The following NRG1 variants were observed in gnomAD, a reference collection of about 807,000 sequenced individuals.
NRG1 encodes the protein pro-neuregulin-1, membrane-bound isoform.
A neutral mutation model predicts 63.8 loss-of-function variants in NRG1; 18 were observed. The ratio of observed to expected loss-of-function variants is 0.28; its 90% CI spans 0.19 to 0.42. NRG1 has a LOEUF of 0.42. Among genes scored for constraint, NRG1 ranks in the 10% least tolerant of loss-of-function variants. The probability of loss-of-function intolerance (pLI) is 1.00; values close to 1 mark genes in which losing one functional copy is unlikely to be tolerated. For synonymous variants in NRG1, 302 were observed against 301.3 expected (o/e 1.00, Z -0.02); for missense variants, 762 against 814.7 (o/e 0.94, Z 0.79).
At chr8:32,059,297 C>G (rs978916144) in intron 1 of NRG1, among the ~76,000 whole-genome samples, 1 of 151,778 alleles carries the variant, frequency 6.6e-6, no homozygotes, top group Non-Finnish European at 1.5e-5. Flanking sequence ...AAATATATCC[C>G]CCTTCTAGAG....
chr8:32,426,777 A>G (rs1485968808), intron 1 of NRG1, among the ~76,000 whole-genome samples: 2 of 152,208 alleles, frequency 1.3e-5, no homozygotes, highest in African/African-American at 4.8e-5. Flanking sequence ...GTTTGAAAAG[A>G]TAGTGACATT....
At chr8:31,924,016 G>A (rs1834130859) in intron 1 of NRG1, among the ~76,000 whole-genome samples, 1 of 152,128 alleles carries the variant, frequency 6.6e-6, no homozygotes, top group African/African-American at 2.4e-5. Context: ...TTAAGATAAT[G>A]GCCTCCAGCT....
chr8:32,090,399 C>T (rs1028013984), intron 1 of NRG1, among the ~76,000 whole-genome samples: 1 of 152,184 alleles, frequency 6.6e-6, no homozygotes, highest in African/African-American at 2.4e-5. Flanking sequence ...TGGCCCCCTG[C>T]AGCCTCCGCC....
chr8:31,924,618 C>CTTTTTTTTTTTTTTTTTTTTT (rs142092572), intron 1 of NRG1, among the ~76,000 whole-genome samples: 1 of 139,802 alleles, frequency 7.2e-6, no homozygotes, highest in Non-Finnish European at 1.5e-5. Flanking sequence ...AAATTTGTGC[C>CTTTTTTTTTTTTTTTTTTTTT]TTTTTTTTTT....
At chr8:32,354,766 A>G (rs995949201) in intron 1 of NRG1, among the ~76,000 whole-genome samples, 4 of 148,192 alleles carry the variant, frequency 2.7e-5, no homozygotes, top group African/African-American at 7.4e-5. Flanking sequence ...ACTTTTTTGT[A>G]TATTGAGTTA....
At chr8:32,075,064 T>G (rs1343956427) in intron 1 of NRG1, among the ~76,000 whole-genome samples, 1 of 152,232 alleles carries the variant, frequency 6.6e-6, no homozygotes, top group African/African-American at 2.4e-5. Flanking sequence ...CTTGTGGGGT[T>G]GTTGTGAGTG....
intron 5 of NRG1, among the ~76,000 whole-genome samples, chr8:32,690,887 A>G (rs1183031130): frequency 6.7e-6 from 1 of 150,344 alleles, no homozygotes; most frequent in African/African-American, 2.5e-5. Context: ...TATCTAAGGA[A>G]TCTCTTCTAT....
intron 1 of NRG1, among the ~76,000 whole-genome samples, chr8:31,945,384 ATCT>A (rs1563600193): frequency 6.6e-6 from 1 of 152,030 alleles, no homozygotes; most frequent in African/African-American, 2.4e-5. Context: ...TGCTCTTCTA[ATCT>A]TCTGTTATAA....
At position 32,459,979 on chromosome 8, in the gene NRG1, C is replaced by G. The variant is rs79439119; in HGVS notation, c.38-135849C>G. On this transcript the variant is annotated intron_variant, in intron 1 of 10. Transcript: ENST00000519301. ...TAGCAGTCATTGAACTTCACAACAC[C>G]TTATGTTAATGTTGTGCAGAACACT... Among the ~76,000 whole-genome samples the G allele has an allele frequency of 8.3e-3, 1,257 of 152,320 alleles. 15 individuals are homozygous for G. The highest frequency in any genetic ancestry group is 0.036 in the East Asian group (188 of 5,178).
At chr8:32,402,908 G>A (rs1176982998) in intron 1 of NRG1, among the ~76,000 whole-genome samples, 1 of 152,060 alleles carries the variant, frequency 6.6e-6, no homozygotes, top group Admixed American at 6.6e-5. Flanking sequence ...GAGGATAAGG[G>A]GGGATTACTC....
chr8:31,875,178 C>A (rs917761105), intron 1 of NRG1, among the ~76,000 whole-genome samples: 2 of 152,106 alleles, frequency 1.3e-5, no homozygotes, highest in African/African-American at 4.8e-5. Context: ...TCCCTTTATC[C>A]ATTCTCCACC....
At chr8:31,865,117 C>T (rs1828836083) in intron 1 of NRG1, among the ~76,000 whole-genome samples, 1 of 152,120 alleles carries the variant, frequency 6.6e-6, no homozygotes. Flanking sequence ...TAACTTTTGG[C>T]ACCACTGCTG....
At chr8:32,420,399 A>G (rs1816553538) in intron 1 of NRG1, among the ~76,000 whole-genome samples, 1 of 152,164 alleles carries the variant, frequency 6.6e-6, no homozygotes. Context: ...CCTTTTCCAG[A>G]TGGCTTGCCC....
At chr8:32,716,190 G>T (rs551103861) in intron 5 of NRG1, among the ~76,000 whole-genome samples, 5 of 152,264 alleles carry the variant, frequency 3.3e-5, no homozygotes, top group Admixed American at 2.6e-4. Flanking sequence ...ACACCTATTT[G>T]AGCTGAACTA....
At chr8:31,990,995 G>C (rs1488828770) in intron 1 of NRG1, among the ~76,000 whole-genome samples, 2 of 152,060 alleles carry the variant, frequency 1.3e-5, no homozygotes, top group African/African-American at 2.4e-5. Flanking sequence ...ATTGGTACTT[G>C]AAAGTTGTTA....
intron 5 of NRG1, among the ~76,000 whole-genome samples, chr8:32,634,125 A>C (rs562992217): frequency 6.6e-6 from 1 of 150,924 alleles, no homozygotes. Context: ...AAAAGGTTGC[A>C]TAAAGCAGCA....
At chr8:31,811,002 A>G (rs867725201) in intron 1 of NRG1, among the ~76,000 whole-genome samples, 1 of 152,116 alleles carries the variant, frequency 6.6e-6, no homozygotes, top group Non-Finnish European at 1.5e-5. Context: ...CTTAAGCTTT[A>G]TGGTGCCTCT....
chr8:32,575,798 T>A (rs1464241310), intron 1 of NRG1, among the ~76,000 whole-genome samples: 1 of 152,134 alleles, frequency 6.6e-6, no homozygotes, highest in Non-Finnish European at 1.5e-5. Context: ...TTAACTGTTA[T>A]TTTTTAGATC....
intron 1 of NRG1, among the ~76,000 whole-genome samples, chr8:32,125,176 T>C (rs2131584404): frequency 6.6e-6 from 1 of 152,044 alleles, no homozygotes. Flanking sequence ...GGTGCCTTGA[T>C]CTTTGACTTC....
Sources: gnomAD v4.1 joint callset for allele counts (sites outside exome capture counted in the v4.1 genomes callset) on GRCh38, gnomAD v4.1.1 for gene constraint, MANE v1.5 for transcripts, NCBI Gene and HGNC (gene_info 2026-07-23, HGNC 2026-07-21) for gene names.